Variants in CDKL3 observed in about 807,000 individuals in gnomAD.
The protein encoded by CDKL3 is cyclin dependent kinase like 3.
A neutral mutation model predicts 69.3 loss-of-function variants in CDKL3; 65 were observed. That is an observed-to-expected ratio of 0.94 (90% confidence interval 0.77 to 1.15). The LOEUF is 1.15. CDKL3 is among the 50% of genes most tolerant of loss of function. The pLI is 0.00. For missense variants in CDKL3, 652 were observed against 689.2 expected (o/e 0.95, Z 0.61); for synonymous variants, 202 against 221.6 (o/e 0.91, Z 0.79).
chr5:134,301,123 G>A (rs914512867), intron 12 of CDKL3, among the ~76,000 whole-genome samples: 2 of 151,866 alleles, frequency 1.3e-5, no homozygotes, highest in Admixed American at 6.6e-5. Flanking sequence ...TCAGCCTCCC[G>A]AGTAGCTGGG....
intron 3 of CDKL3, among the ~76,000 whole-genome samples, chr5:134,359,183 C>T (rs1167902846): frequency 1.3e-5 from 2 of 151,880 alleles, no homozygotes; most frequent in Non-Finnish European, 2.9e-5. Context: ...GGACAAACAC[C>T]GAGATGTTTT....
At position 134,366,552 on chromosome 5, in the gene CDKL3, G is replaced by T. The variant is rs1185275163; in HGVS notation, c.-21-8C>A. ...CAAGCTGGGCTTTTACTACTTTATA[G>T]AAATAAAGAAAGAAAATGGAAAATG... On this transcript the variant is annotated splice_polypyrimidine_tract_variant and splice_region_variant and intron_variant, in intron 1 of 12. Transcript: ENST00000265334. 1 of 1,516,204 alleles carries T rather than the reference G, an allele frequency of 6.6e-7. No individual in the cohort carries two copies. Among genetic ancestry groups the T allele is most frequent in the Non-Finnish European group, 8.9e-7 (1 of 1,121,206 alleles). The allele number at this position is 1,516,204 out of a possible 1,614,324, so 93.9% of individuals were successfully genotyped here.
At chr5:134,311,144 A>G (rs1225955149) in intron 7 of CDKL3, among the ~76,000 whole-genome samples, 4 of 152,256 alleles carry the variant, frequency 2.6e-5, no homozygotes, top group African/African-American at 9.6e-5. Context: ...TGTGGGGCAC[A>G]GAAGGGCCAT....
At chr5:134,371,090 A>T, upstream of CDKL3, 1 of 220,120 alleles carries the variant, frequency 4.5e-6, no homozygotes, top group Non-Finnish European at 9.2e-6. Flanking sequence ...TCCCCCTCCC[A>T]CTCAGGGGTG....
chr5:134,371,568 C>T (rs2149688232), upstream of CDKL3: 3 of 1,602,636 alleles, frequency 1.9e-6, no homozygotes, highest in Non-Finnish European at 2.6e-6. Flanking sequence ...TTTTTTTTTT[C>T]AGACTGACCG....
At position 134,331,882 on chromosome 5, in the gene CDKL3, T is replaced by C. The variant is rs183621091; in HGVS notation, c.540-9979A>G. Among the ~76,000 whole-genome samples, 500 of 152,324 alleles carry C rather than the reference T, an allele frequency of 3.3e-3. 1 individual carries two copies. Among genetic ancestry groups the C allele is most frequent in the African/African-American group, 0.011 (473 of 41,574 alleles). On this transcript the variant is annotated intron_variant, in intron 4 of 12. Transcript: ENST00000265334. ...CGATCCTTGAGGAATCGCCACACTGTCTTCCACAAAGGTTGAAATAATTTA... is the reference window on the plus strand; with the variant it reads ...CGATCCTTGAGGAATCGCCACACTGCCTTCCACAAAGGTTGAAATAATTTA...
rs1188240280 is a variant in CDKL3 at position 134,363,974 on chromosome 5, AAAAAGAG to A, written c.165+2378_165+2384del. Among the ~76,000 whole-genome samples, 124 of 146,892 alleles carry A rather than the reference AAAAAGAG, an allele frequency of 8.4e-4. 2 individuals are homozygous for A. Among genetic ancestry groups the A allele is most frequent in the Middle Eastern group, 3.5e-3 (1 of 288 alleles). ...CCATTTCTTAAAAAAAAAAAAAAAA[AAAAAGAG>A]AGAGAAAGAAGGCAAATTGATCCAT... On this transcript the variant is annotated intron_variant, in intron 2 of 12. Transcript: ENST00000265334.
upstream of CDKL3, chr5:134,371,526 C>G (rs1460347177): frequency 1.6e-5 from 24 of 1,545,036 alleles, no homozygotes; most frequent in Admixed American, 2.0e-5. Context: ...ATTCGGCCGC[C>G]GCGCCGGGGG....
intron 12 of CDKL3, chr5:134,299,879 T>A: frequency 1.7e-6 from 1 of 602,056 alleles, no homozygotes; most frequent in Non-Finnish European, 2.8e-6. Context: ...GGAAACTATT[T>A]AGCAATGTAT....
chr5:134,316,683 C>T (rs115152364), intron 6 of CDKL3, among the ~76,000 whole-genome samples: 9,805 of 151,966 alleles, frequency 0.065, 354 homozygotes, highest in Middle Eastern at 0.12. Context: ...AATGCAAAAA[C>T]AGTTAAATAA....
chr5:134,312,807 T>A (rs1214302423), intron 6 of CDKL3, among the ~76,000 whole-genome samples: 1 of 152,224 alleles, frequency 6.6e-6, no homozygotes, highest in Non-Finnish European at 1.5e-5. Flanking sequence ...ACTCTTTCTA[T>A]ATCATAATAC....
chr5:134,358,742 G>A (rs1755250636), intron 3 of CDKL3, among the ~76,000 whole-genome samples: 2 of 151,966 alleles, frequency 1.3e-5, no homozygotes, highest in Admixed American at 1.3e-4. Context: ...GTAGCCGGGA[G>A]TACAGGATTG....
upstream of CDKL3, among the ~76,000 whole-genome samples, chr5:134,367,654 G>A (rs527605669): frequency 1.1e-4 from 16 of 152,156 alleles, no homozygotes; most frequent in Non-Finnish European, 2.9e-5. Context: ...GATTACAGGC[G>A]TAAGCCACCG....
chr5:134,317,840 C>T (rs767023670), intron 6 of CDKL3, among the ~76,000 whole-genome samples: 4 of 151,956 alleles, frequency 2.6e-5, no homozygotes, highest in African/African-American at 4.8e-5. Context: ...CTCAGGAAGT[C>T]GGAACTGCAG....
chr5:134,370,664 G>T (rs1270872794), upstream of CDKL3, among the ~76,000 whole-genome samples: 1 of 152,142 alleles, frequency 6.6e-6, no homozygotes, highest in African/African-American at 2.4e-5. Context: ...TATTTGCCCA[G>T]AATTTCCAAT....
Position 134,366,359 on chromosome 5 carries a change from C to T in CDKL3, c.165G>A (p.Lys55=). ...GATGATTAAGGCAAAAGAAGCAAAC[C>T]TTTAGAAACTTTATTTCTCTCATCG... The part of the protein sequence containing the change: ...KIAMREIKFL[K]QFHHENLVNL... Residue 55 remains lysine, a splice_region_variant and synonymous_variant, in exon 2 of 13, where the codon AAG becomes AAA. Coordinates refer to ENST00000265334, the MANE Select transcript of CDKL3 (RefSeq NM_001113575.2). 1 of 1,553,370 alleles carries T rather than the reference C, an allele frequency of 6.4e-7. No homozygotes were observed. The highest frequency in any genetic ancestry group is 1.2e-5 in the South Asian group (1 of 81,686).
At chr5:134,342,982 A>G (rs1261058064) in intron 4 of CDKL3, among the ~76,000 whole-genome samples, 4 of 152,178 alleles carry the variant, frequency 2.6e-5, no homozygotes, top group Non-Finnish European at 5.9e-5. Flanking sequence ...AGGCAGGCAG[A>G]TTGCTTGAGC....
At chr5:134,349,371 G>A (rs1013262540) in intron 4 of CDKL3, among the ~76,000 whole-genome samples, 3 of 152,066 alleles carry the variant, frequency 2.0e-5, no homozygotes, top group Non-Finnish European at 2.9e-5. Context: ...ATGTTAGACC[G>A]AGATCATGCT....
At chr5:134,368,121 G>A (rs1188455297), upstream of CDKL3, among the ~76,000 whole-genome samples, 1 of 152,158 alleles carries the variant, frequency 6.6e-6, no homozygotes, top group Non-Finnish European at 1.5e-5. Context: ...CACACCTGGA[G>A]AGCTTTTAGA....
Sources: allele counts gnomAD v4.1 joint callset (sites outside exome capture counted in the v4.1 genomes callset), GRCh38; gene constraint gnomAD v4.1.1; transcripts MANE v1.5; gene names NCBI Gene and HGNC (gene_info 2026-07-23, HGNC 2026-07-21).